The following GBP2 variants were observed in gnomAD, a reference collection of about 807,000 sequenced individuals.
GBP2 encodes the protein guanylate-binding protein 2.
In GBP2, 54 loss-of-function variants were observed where a neutral mutation model predicts 60.8. That is an observed-to-expected ratio of 0.89 (90% CI 0.71 to 1.11). The LOEUF (loss-of-function observed/expected upper bound fraction) is 1.11, where lower values mean the gene tolerates loss of function less well. GBP2 is among the 50% of genes most tolerant of loss of function. The probability of loss-of-function intolerance (pLI) is 0.00; values close to 1 mark genes in which losing one functional copy is unlikely to be tolerated. For synonymous variants in GBP2, 243 were observed against 256.5 expected (o/e 0.95, Z 0.50); for missense variants, 665 against 703.3 (o/e 0.95, Z 0.62).
At chr1:89,116,372 C>T (rs1339696141) in intron 6 of GBP2, among the ~76,000 whole-genome samples, 1 of 152,150 alleles carries the variant, frequency 6.6e-6, no homozygotes, top group Non-Finnish European at 1.5e-5. Context: ...AGCATTCTCT[C>T]ACACTCTAAA....
chr1:89,113,881 C>T, intron 7 of GBP2, 135 bp downstream of exon 7: 3 of 1,158,856 alleles, frequency 2.6e-6, no homozygotes, highest in Non-Finnish European at 3.7e-6. Context: ...AGGCTATGCA[C>T]ATTCTAGTCT....
chr1:89,109,850 A>C lies in GBP2; in HGVS notation c.1486T>G (p.Ser496Ala). 1 of 1,613,720 alleles carries C rather than the reference A, an allele frequency of 6.2e-7. No individual in the cohort carries two copies. Among genetic ancestry groups the C allele is most frequent in the African/African-American group, 1.3e-5 (1 of 75,014 alleles). The change falls in exon 10 of 11, where the codon TCT (serine) becomes GCT (alanine). Residue 496 changes from serine to alanine, a missense_variant. Coordinates refer to ENST00000370466, the MANE Select transcript of GBP2 (RefSeq NM_004120.5). ...AACATTTTCTTTGCAGCTTCTGCAGATTCAGCCTTTATACGTTCCACTGTG... is the reference window on the plus strand; with the variant it reads ...AACATTTTCTTTGCAGCTTCTGCAGCTTCAGCCTTTATACGTTCCACTGTG... ...AIEVERIKAE[S>A]AEAAKKMLEE...
chr1:89,117,536 G>T (rs750928912), intron 5 of GBP2, 41 bp downstream of exon 5: 14 of 1,472,826 alleles, frequency 9.5e-6, no homozygotes, highest in Middle Eastern at 1.8e-4. Context: ...GATATTATTT[G>T]CTCTCTATTT....
intron 3 of GBP2, 87 bp from the exon 4 acceptor site, chr1:89,120,375 CTCTG>C: frequency 9.4e-7 from 1 of 1,065,342 alleles, no homozygotes; most frequent in Non-Finnish European, 1.5e-6. Flanking sequence ...TGAACTCCAA[CTCTG>C]TCTCTCATTA....
Position 89,117,137 on chromosome 1 carries a change from A to C in GBP2, c.723T>G (p.Pro241=), listed in dbSNP as rs781730060. The C allele has an allele frequency of 7.4e-6, 12 of 1,614,108 alleles. No homozygotes were observed. The African/African-American group carries it at 1.5e-4, about 20-fold the overall frequency. ...RKCFVFDWPA[P]KKYLAHLEQL... is the part of the protein sequence containing the mutation. ...GCTCTAGGTGAGCAAGGTACTTCTT[A>C]GGAGCGGGCCAATCGAAGACGAAGC... Residue 241 remains proline, a synonymous_variant, in exon 6 of 11, where the codon CCT becomes CCG. Coordinates refer to ENST00000370466, the MANE Select transcript of GBP2 (RefSeq NM_004120.5).
chr1:89,115,851 C>T (rs1342948255), intron 6 of GBP2, among the ~76,000 whole-genome samples: 1 of 152,110 alleles, frequency 6.6e-6, no homozygotes, highest in African/African-American at 2.4e-5. Flanking sequence ...AAGGAATTCT[C>T]CCACCTTGGC....
intron 1 of GBP2, among the ~76,000 whole-genome samples, chr1:89,122,377 T>A (rs932067059): frequency 1.3e-5 from 2 of 152,208 alleles, no homozygotes; most frequent in African/African-American, 2.4e-5. Flanking sequence ...GATTCCTCAT[T>A]GCATTTAGTC....
At chr1:89,116,493 A>C (rs1681276249) in intron 6 of GBP2, among the ~76,000 whole-genome samples, 1 of 151,048 alleles carries the variant, frequency 6.6e-6, no homozygotes, top group Non-Finnish European at 1.5e-5. Flanking sequence ...TTTTTACAGA[A>C]GTATCTTTTG....
At chr1:89,115,227 G>A (rs1681245193) in intron 6 of GBP2, among the ~76,000 whole-genome samples, 1 of 152,060 alleles carries the variant, frequency 6.6e-6, no homozygotes, top group South Asian at 2.1e-4. Flanking sequence ...CTATCAACAG[G>A]CCTTTTAGAT....
chr1:89,113,916 C>T, intron 7 of GBP2, 100 bp downstream of exon 7: 2 of 1,317,938 alleles, frequency 1.5e-6, no homozygotes, highest in Non-Finnish European at 2.1e-6. Flanking sequence ...CAAATATGTA[C>T]ACATAACTGA....
At chr1:89,114,624 T>A (rs968770522) in intron 6 of GBP2, among the ~76,000 whole-genome samples, 4 of 152,242 alleles carry the variant, frequency 2.6e-5, no homozygotes, top group African/African-American at 4.8e-5. Flanking sequence ...AAAAAGTCAA[T>A]GAGAAAACTT....
In GBP2 at chr1:89,108,142, G is replaced by T; in HGVS notation, c.*33C>A. ...ATTCATGTTGTTTCTTGGGGAGAGGGAGCTGGACAGGCAAATTTTGCTCCT... is the reference window on the plus strand; with the variant it reads ...ATTCATGTTGTTTCTTGGGGAGAGGTAGCTGGACAGGCAAATTTTGCTCCT... On this transcript the variant is annotated 3_prime_UTR_variant, in exon 11 of 11. Transcript: ENST00000370466. 1 of 1,183,428 alleles carries T rather than the reference G, an allele frequency of 8.5e-7. No homozygotes were observed. The highest frequency in any genetic ancestry group is 1.2e-5 in the South Asian group (1 of 81,108). The allele number at this position is 1,183,428 out of a possible 1,614,324, so 73.3% of individuals were successfully genotyped here. A position where few individuals can be genotyped will look rare whatever the true frequency, so the allele number is the denominator to read the frequency against.
chr1:89,119,547 C>T (rs1371871605), intron 4 of GBP2: 4 of 152,076 alleles, frequency 2.6e-5, no homozygotes, highest in African/African-American at 9.7e-5. Flanking sequence ...TAAAAAGACA[C>T]TAGGAACTAA....
intron 1 of GBP2, among the ~76,000 whole-genome samples, chr1:89,123,159 A>G (rs1361760994): frequency 6.6e-6 from 1 of 152,200 alleles, no homozygotes; most frequent in African/African-American, 2.4e-5. Flanking sequence ...AATATATGCC[A>G]GGCTTATCTA....
chr1:89,120,197 T>C lies in GBP2; in HGVS notation c.410A>G (p.Gln137Arg). The C allele has an allele frequency of 6.2e-7, 1 of 1,613,938 alleles. No homozygotes were observed. Among genetic ancestry groups the C allele is most frequent in the Non-Finnish European group, 8.5e-7 (1 of 1,179,800 alleles). The change falls in exon 4 of 11, where the codon CAG becomes CGG. Residue 137 changes from glutamine to arginine, a missense_variant. Coordinates refer to ENST00000370466, the MANE Select transcript of GBP2 (RefSeq NM_004120.5). ...AGGATACTGAAGTTGGTCCATGGCC[T>C]GCTGGTTGATGGTTCCCATGCTATT... ...VYNSMGTINQQAMDQLHYVTE... is the reference protein window; with the variant it reads ...VYNSMGTINQRAMDQLHYVTE...
intron 4 of GBP2, chr1:89,118,954 G>C (rs577950207): frequency 6.6e-6 from 1 of 152,302 alleles, no homozygotes; most frequent in Admixed American, 6.5e-5. Flanking sequence ...TGTTGCACCA[G>C]AAGCTGGATA....
chr1:89,121,384 A>C, intron 2 of GBP2, 114 bp from the exon 3 acceptor site: 1 of 881,206 alleles, frequency 1.1e-6, no homozygotes, highest in Non-Finnish European at 1.7e-6. Context: ...TACAACTGGC[A>C]TAAATCTTAA....
chr1:89,112,734 A>T, intron 7 of GBP2, 50 bp from the exon 8 acceptor site: 1 of 1,440,874 alleles, frequency 6.9e-7, no homozygotes, highest in Non-Finnish European at 9.8e-7. Flanking sequence ...CATGAGGAGG[A>T]TGTTAACTAT....
intron 4 of GBP2, chr1:89,119,906 AG>A (rs1681360411): frequency 2.7e-6 from 1 of 372,104 alleles, no homozygotes; most frequent in South Asian, 3.0e-5. Flanking sequence ...TGAGTTCTAG[AG>A]GACATTGAAG....
Sources: gnomAD v4.1 joint callset for allele counts (sites outside exome capture counted in the v4.1 genomes callset) on GRCh38, gnomAD v4.1.1 for gene constraint, MANE v1.5 for transcripts, NCBI Gene and HGNC (gene_info 2026-07-23, HGNC 2026-07-21) for gene names.